The following C12orf42 variants were observed in gnomAD, a reference collection of about 807,000 sequenced individuals.
The protein encoded by C12orf42 is chromosome 12 open reading frame 42.
A neutral mutation model predicts 21.6 loss-of-function variants in C12orf42; 25 were observed. The ratio of observed to expected loss-of-function variants is 1.16; its 90% CI spans 0.84 to 1.62. The LOEUF is 1.62. C12orf42 is among the 40% of genes most tolerant of loss of function. The probability of loss-of-function intolerance (pLI) is 0.00; values close to 1 mark genes in which losing one functional copy is unlikely to be tolerated. For synonymous variants in C12orf42, 174 were observed against 175.0 expected (o/e 0.99, Z 0.05); for missense variants, 483 against 459.3 (o/e 1.05, Z -0.47).
At chr12:103,268,810 T>C (rs1176030446) in exon 7 of C12orf42, 2 of 152,188 alleles carry the variant, frequency 1.3e-5, no homozygotes, top group Non-Finnish European at 2.9e-5. Flanking sequence ...AAAGCATGCA[T>C]GTGTCACATA....
chr12:103,178,266 C>G, the C12orf42 span: 1 of 152,118 alleles, frequency 6.6e-6, no homozygotes, highest in East Asian at 1.9e-4. Context: ...TTCTACCCAC[C>G]CCCAACTTCT....
chr12:103,527,356 C>A, the C12orf42 span, among the ~76,000 whole-genome samples: 1 of 152,072 alleles, frequency 6.6e-6, no homozygotes, highest in African/African-American at 2.4e-5. Flanking sequence ...CCCTCCAAAT[C>A]TCATGTTGAA....
At chr12:103,532,500 T>C in the C12orf42 span, among the ~76,000 whole-genome samples, 6 of 152,304 alleles carry the variant, frequency 3.9e-5, no homozygotes, top group Admixed American at 3.9e-4. Flanking sequence ...TAAAACATTT[T>C]ATACAAGAAA....
At chr12:103,385,944 G>T (rs868805085) in intron 3 of C12orf42, among the ~76,000 whole-genome samples, 1 of 152,112 alleles carries the variant, frequency 6.6e-6, no homozygotes, top group Non-Finnish European at 1.5e-5. Flanking sequence ...GATCAAAAAG[G>T]CTCAGCTTCA....
the C12orf42 span, among the ~76,000 whole-genome samples, chr12:103,537,237 T>C: frequency 7.2e-5 from 11 of 151,902 alleles, no homozygotes; most frequent in Non-Finnish European, 1.5e-4. Context: ...TTCCAGAAAA[T>C]CTCAAAGATA....
chr12:103,286,386 C>T (rs144400498), intron 4 of C12orf42, among the ~76,000 whole-genome samples: 106 of 151,432 alleles, frequency 7.0e-4, no homozygotes, highest in East Asian at 3.7e-3. Context: ...GAAATAGATG[C>T]CCATGTAGTC....
In C12orf42 at chr12:103,401,787, T is replaced by C. The variant is rs1268174256; in HGVS notation, c.79-112A>G. ...ATCAGAAGCTAATTCTTTCAAACAATGGCTGTTCATTCACTGAGTACCCGA... is the reference window on the plus strand; with the variant it reads ...ATCAGAAGCTAATTCTTTCAAACAACGGCTGTTCATTCACTGAGTACCCGA... On this transcript the variant is annotated intron_variant, in intron 2 of 5. Coordinates refer to ENST00000548883, the MANE Select transcript of C12orf42 (RefSeq NM_198521.5). The C allele has an allele frequency of 1.9e-5, 18 of 964,252 alleles. 1 individual carries two copies. The South Asian group carries it at 2.2e-4, about 12-fold the overall frequency. 59.7% of individuals were successfully genotyped at this position (964,252 alleles called of 1,614,324 possible). A position where few individuals can be genotyped will look rare whatever the true frequency, so the allele number is the denominator to read the frequency against.
chr12:103,436,125 C>A (rs932371669), intron 2 of C12orf42, among the ~76,000 whole-genome samples: 1 of 151,834 alleles, frequency 6.6e-6, no homozygotes, highest in Admixed American at 6.6e-5. Context: ...GAATTTTCAA[C>A]CCAGAATTTC....
the C12orf42 span, among the ~76,000 whole-genome samples, chr12:103,203,469 A>G: frequency 6.6e-6 from 1 of 152,198 alleles, no homozygotes; most frequent in Non-Finnish European, 1.5e-5. Flanking sequence ...CAAAACTTGG[A>G]GACTTGAGGA....
At chr12:103,142,212 T>C in the C12orf42 span, among the ~76,000 whole-genome samples, 9 of 152,314 alleles carry the variant, frequency 5.9e-5, no homozygotes, top group South Asian at 1.9e-3. Context: ...TCTAGTGAAC[T>C]AAAATTAATG....
At chr12:103,094,937 AT>A in the C12orf42 span, among the ~76,000 whole-genome samples, 2 of 152,248 alleles carry the variant, frequency 1.3e-5, no homozygotes, top group South Asian at 4.1e-4. Context: ...TAATTTTATT[AT>A]TCTATGGACT....
At chr12:103,108,905 G>T in the C12orf42 span, among the ~76,000 whole-genome samples, 1 of 152,110 alleles carries the variant, frequency 6.6e-6, no homozygotes, top group African/African-American at 2.4e-5. Flanking sequence ...AGATGTGAAA[G>T]CTCCTATCGA....
rs534027060 is a variant in C12orf42, at chr12:103,289,137, T to C, written n.338-11927A>G. ...GAACAGGTAGTACTAATATATTACA[T>C]ATTTGGAAGCCCCAGTCTTAATGCC... On this transcript the variant is annotated intron_variant and non_coding_transcript_variant, in intron 4 of 6. Coordinates refer to the C12orf42 transcript ENST00000546526. Among the ~76,000 whole-genome samples, 7 of 152,298 alleles carry C rather than the reference T, an allele frequency of 4.6e-5. No homozygotes were observed. The East Asian group carries it at 1.3e-3, about 29-fold the overall frequency.
chr12:103,516,948 G>A, the C12orf42 span, among the ~76,000 whole-genome samples: 1 of 152,128 alleles, frequency 6.6e-6, no homozygotes, highest in Non-Finnish European at 1.5e-5. Context: ...CAAAATCCTG[G>A]AAAGAAACCA....
At chr12:103,146,415 G>T in the C12orf42 span, among the ~76,000 whole-genome samples, 36 of 150,296 alleles carry the variant, frequency 2.4e-4, no homozygotes, top group East Asian at 6.8e-3. Flanking sequence ...GGGAAGTGAA[G>T]GTTGCAATGA....
At chr12:103,336,081 C>T (rs1385104551) in intron 4 of C12orf42, among the ~76,000 whole-genome samples, 1 of 152,172 alleles carries the variant, frequency 6.6e-6, no homozygotes, top group Non-Finnish European at 1.5e-5. Context: ...AAATACTTTA[C>T]TCTAAACAAT....
the C12orf42 span, among the ~76,000 whole-genome samples, chr12:103,216,831 C>A: frequency 6.6e-6 from 1 of 151,790 alleles, no homozygotes; most frequent in Non-Finnish European, 1.5e-5. Context: ...TAAGCCAAGA[C>A]CTAATTTCTT....
downstream of C12orf42, among the ~76,000 whole-genome samples, chr12:103,265,799 CTGTTT>C (rs3063704): frequency 0.15 from 22,465 of 150,158 alleles, 1,735 homozygotes; most frequent in Middle Eastern, 0.22. Flanking sequence ...ATTTCTTAGG[CTGTTT>C]TGTTTTGTTT....
the C12orf42 span, among the ~76,000 whole-genome samples, chr12:103,188,194 CAG>C: frequency 6.6e-6 from 1 of 152,268 alleles, no homozygotes; most frequent in Admixed American, 6.5e-5. Flanking sequence ...AGACAATTCC[CAG>C]AGTTTTGGGA....
Sources: gnomAD v4.1 joint callset for allele counts (sites outside exome capture counted in the v4.1 genomes callset) on GRCh38, gnomAD v4.1.1 for gene constraint, MANE v1.5 for transcripts, NCBI Gene and HGNC (gene_info 2026-07-23, HGNC 2026-07-21) for gene names.